NEDD4L: variants seen among roughly 807,000 people sequenced by gnomAD.
The protein encoded by NEDD4L is NEDD4 like E3 ubiquitin protein ligase.
A neutral mutation model predicts 148.9 loss-of-function variants in NEDD4L; 54 were observed. The observed-to-expected ratio is 0.36, with a 90% CI of 0.29 to 0.45. NEDD4L has a LOEUF of 0.45. Ranked by LOEUF, NEDD4L falls within the 20% of genes least tolerant of loss-of-function variation. NEDD4L has a pLI of 1.00. For missense variants in NEDD4L, 856 were observed against 1,233.8 expected (o/e 0.69, Z 4.59); for synonymous variants, 433 against 440.7 (o/e 0.98, Z 0.22).
At chr18:58,268,356 T>C (rs1294462490) in intron 5 of NEDD4L, among the ~76,000 whole-genome samples, 1 of 151,970 alleles carries the variant, frequency 6.6e-6, no homozygotes, top group African/African-American at 2.4e-5. Flanking sequence ...TGTCAGACTC[T>C]CAGTCAATCT....
intron 1 of NEDD4L, among the ~76,000 whole-genome samples, chr18:58,157,990 T>A (rs954094430): frequency 1.3e-5 from 2 of 152,240 alleles, no homozygotes; most frequent in Non-Finnish European, 2.9e-5. Context: ...TGTGGGTCAG[T>A]AAATCAAAAG....
At chr18:58,149,661 G>T in intron 1 of NEDD4L, 1 of 777,540 alleles carries the variant, frequency 1.3e-6, no homozygotes, top group South Asian at 1.5e-5. Flanking sequence ...TGTGTTATAT[G>T]ACCTCAAGAT....
rs752570774 is a variant in NEDD4L, at chr18:58,335,543, G to T, written c.1125+6G>T. On this transcript the variant is annotated splice_donor_region_variant and intron_variant, in intron 13 of 30. Coordinates refer to ENST00000400345, the MANE Select transcript of NEDD4L (RefSeq NM_001144967.3). The stretch of plus-strand genomic sequence containing the variant: ...CGGGTGGTGAGGAACCAACGGTAAT[G>T]ATCCACTTTATCAGACATCAATAGC... 1 of 1,610,470 alleles carries T rather than the reference G, an allele frequency of 6.2e-7. No individual in the cohort carries two copies. Among genetic ancestry groups the T allele is most frequent in the Non-Finnish European group, 8.5e-7 (1 of 1,176,752 alleles).
In NEDD4L at chr18:58,366,355, A is replaced by G. The variant is rs1040285305; in HGVS notation, c.2063+127A>G. On this transcript the variant is annotated intron_variant, in intron 21 of 30. Coordinates refer to ENST00000400345, the MANE Select transcript of NEDD4L (RefSeq NM_001144967.3). This position sits in a 1 kb window ranked among gnomAD's most constrained non-coding sequence, Gnocchi z 4.2. ...ACTCTGCTGAGTTTGTTCTCTCCTCACCCCACAGCCCCTTGCAAGTCTAGA... is the reference window on the plus strand; with the variant it reads ...ACTCTGCTGAGTTTGTTCTCTCCTCGCCCCACAGCCCCTTGCAAGTCTAGA... 8 of 624,796 alleles carry G rather than the reference A, an allele frequency of 1.3e-5. No individual in the cohort carries two copies. Among genetic ancestry groups the G allele is most frequent in the Non-Finnish European group, 1.9e-5 (7 of 372,192 alleles). 38.7% of individuals were successfully genotyped at this position (624,796 alleles called of 1,614,324 possible).
At chr18:58,357,536 C>T (rs2044849630) in intron 19 of NEDD4L, 1 of 592,458 alleles carries the variant, frequency 1.7e-6, no homozygotes. Context: ...TAAGTATAGT[C>T]AAAATTCCCT....
intron 5 of NEDD4L, among the ~76,000 whole-genome samples, chr18:58,310,239 G>A (rs2057528995): frequency 6.6e-6 from 1 of 152,142 alleles, no homozygotes; most frequent in Non-Finnish European, 1.5e-5. Flanking sequence ...TGACATGGAG[G>A]TCCTGTTTGT....
At position 58,136,027 on chromosome 18, in the gene NEDD4L, A is replaced by G. The variant is rs532711682; in HGVS notation, c.49-29761A>G. Among the ~76,000 whole-genome samples, 17 of 152,346 alleles carry G rather than the reference A, an allele frequency of 1.1e-4. 1 individual carries two copies. The South Asian group carries it at 3.5e-3, about 32-fold the overall frequency. On this transcript the variant is annotated intron_variant, in intron 1 of 30. Coordinates refer to ENST00000400345, the MANE Select transcript of NEDD4L (RefSeq NM_001144967.3). ...GGCAAACCCAGTGGTCAATTACTGC[A>G]TCTACTAAGGATTAAGAAGATTATA...
chr18:58,277,428 A>G (rs911555442), intron 5 of NEDD4L, among the ~76,000 whole-genome samples: 2 of 152,090 alleles, frequency 1.3e-5, no homozygotes, highest in Admixed American at 1.3e-4. Context: ...GGTTGTTTAG[A>G]GCCTGGTAGC....
At chr18:58,047,378 C>T in intron 1 of NEDD4L, 2 of 985,110 alleles carry the variant, frequency 2.0e-6, no homozygotes, top group Non-Finnish European at 2.4e-6. Flanking sequence ...TGTCCCATCT[C>T]ATAAAGACTG....
At chr18:58,045,221 G>A (rs931717211) in intron 1 of NEDD4L, 1 of 398,142 alleles carries the variant, frequency 2.5e-6, no homozygotes, top group African/African-American at 2.1e-5. Context: ...TTATCCCGGC[G>A]GGAATGGGGG....
At chr18:58,258,534 TTA>T (rs1233008820) in intron 5 of NEDD4L, among the ~76,000 whole-genome samples, 1 of 152,192 alleles carries the variant, frequency 6.6e-6, no homozygotes, top group Non-Finnish European at 1.5e-5. Flanking sequence ...AAACTAAAAC[TTA>T]TGTGTACCTT....
chr18:58,301,824 A>G (rs1202038241), intron 5 of NEDD4L, among the ~76,000 whole-genome samples: 1 of 152,160 alleles, frequency 6.6e-6, no homozygotes, highest in Non-Finnish European at 1.5e-5. Flanking sequence ...TGACCAAGAA[A>G]CTGTGCCCAG....
At chr18:58,321,824 A>G (rs1172714773) in intron 6 of NEDD4L, among the ~76,000 whole-genome samples, 3 of 152,204 alleles carry the variant, frequency 2.0e-5, no homozygotes, top group Non-Finnish European at 2.9e-5. Context: ...GAACTTCACA[A>G]TGAACTTCAC....
chr18:58,150,653 ATATT>A (rs1343331422), intron 1 of NEDD4L, among the ~76,000 whole-genome samples: 1 of 152,240 alleles, frequency 6.6e-6, no homozygotes, highest in African/African-American at 2.4e-5. Context: ...CTAGCTTTGA[ATATT>A]TATTTGCAGA....
At chr18:58,255,891 G>C (rs1004190890) in intron 5 of NEDD4L, 1 of 1,232,080 alleles carries the variant, frequency 8.1e-7, no homozygotes, top group East Asian at 3.2e-5. Flanking sequence ...ATCGACGCCC[G>C]CCCCACGTGC....
intron 2 of NEDD4L, among the ~76,000 whole-genome samples, chr18:58,215,194 A>G (rs1247209302): frequency 6.6e-6 from 1 of 152,222 alleles, no homozygotes; most frequent in Non-Finnish European, 1.5e-5. Context: ...GGACAAGAAC[A>G]TTTACAATGT....
intron 24 of NEDD4L, 133 bp downstream of exon 24, chr18:58,373,402 T>C (rs958873970): frequency 1.7e-5 from 11 of 632,738 alleles, no homozygotes; most frequent in Non-Finnish European, 2.9e-5. Flanking sequence ...TTTCATCTCA[T>C]TGTAGCAGCA....
chr18:58,099,071 T>C (rs2084600523), intron 1 of NEDD4L, among the ~76,000 whole-genome samples: 1 of 152,250 alleles, frequency 6.6e-6, no homozygotes, highest in African/African-American at 2.4e-5. Flanking sequence ...CATGAAATTA[T>C]AGAGTTAAAT....
intron 1 of NEDD4L, among the ~76,000 whole-genome samples, chr18:58,066,747 C>T (rs545978072): frequency 1.1e-4 from 16 of 152,164 alleles, no homozygotes; most frequent in South Asian, 8.3e-4. Context: ...AGGAAACTTA[C>T]AGTCATAAGG....
Sources: gnomAD v4.1 joint callset for allele counts (sites outside exome capture counted in the v4.1 genomes callset) on GRCh38, gnomAD v4.1.1 for gene constraint, Gnocchi (gnomAD v3.1) non-coding constraint, MANE v1.5 for transcripts, NCBI Gene and HGNC (gene_info 2026-07-23, HGNC 2026-07-21) for gene names.